Variants in ACSM3 observed in about 807,000 individuals in gnomAD.
The protein encoded by ACSM3 is acyl-coenzyme A synthetase ACSM3, mitochondrial.
In ACSM3, 61 loss-of-function variants were observed where a neutral mutation model predicts 74.1. That is an observed-to-expected ratio of 0.82 (90% confidence interval 0.67 to 1.02). The LOEUF (loss-of-function observed/expected upper bound fraction) is 1.02, where lower values mean the gene tolerates loss of function less well. Ranked by LOEUF, ACSM3 falls within the 50% of genes least tolerant of loss-of-function variation. The pLI, the probability that ACSM3 is intolerant of heterozygous loss-of-function variation, is 0.00. For synonymous variants in ACSM3, 213 were observed against 241.5 expected (o/e 0.88, Z 1.09); for missense variants, 660 against 697.0 (o/e 0.95, Z 0.60).
At chr16:20,796,723 T>C in intron 13 of ACSM3, 163 bp from the exon 14 acceptor site, 1 of 1,491,162 alleles carries the variant, frequency 6.7e-7, no homozygotes, top group Non-Finnish European at 8.9e-7. Flanking sequence ...TCAAGACAAC[T>C]TTCCTAACAA....
intron 1 of ACSM3, among the ~76,000 whole-genome samples, chr16:20,723,052 G>T (rs2079791361): frequency 6.6e-6 from 1 of 151,490 alleles, no homozygotes; most frequent in Non-Finnish European, 1.5e-5. Context: ...CCCCACAACA[G>T]GCCCCAGTGT....
At chr16:20,684,016 GGA>G (rs1449891126) in intron 1 of ACSM3, among the ~76,000 whole-genome samples, 1 of 152,012 alleles carries the variant, frequency 6.6e-6, no homozygotes, top group African/African-American at 2.4e-5. Context: ...AATATGAGAC[GGA>G]GAGAGAGAAA....
intron 1 of ACSM3, chr16:20,682,127 G>A: frequency 1.2e-6 from 1 of 854,224 alleles, no homozygotes; most frequent in Non-Finnish European, 1.8e-6. Context: ...TCCTTTGGAT[G>A]TTAATCTGAC....
rs145039864 is a variant in ACSM3, at chr16:20,768,783, G to A, written c.-51-1201G>A. ...TCTAACTCTGGTATGACAGAATGAA[G>A]CAGGCTGTTTCCCCTCTCTGGGTCT... On this transcript the variant is annotated intron_variant, in intron 1 of 13. Transcript: ENST00000289416. 2.1e-3 allele frequency among the ~76,000 whole-genome samples: 322 copies of A among 152,298 alleles called. 1 individual carries two copies. Among genetic ancestry groups the A allele is most frequent in the Admixed American group, 5.7e-3 (87 of 15,296 alleles).
At chr16:20,789,966 G>A (rs1411128369) in intron 9 of ACSM3, among the ~76,000 whole-genome samples, 2 of 151,720 alleles carry the variant, frequency 1.3e-5, no homozygotes, top group East Asian at 1.9e-4. Context: ...GAGCCACTGC[G>A]CCCAGCCAGC....
At chr16:20,722,294 T>A (rs2079788602) in intron 1 of ACSM3, 1 of 152,180 alleles carries the variant, frequency 6.6e-6, no homozygotes, top group Non-Finnish European at 1.5e-5. Flanking sequence ...TTACTTTTAT[T>A]TGGAGTTGCA....
intron 1 of ACSM3, chr16:20,749,186 G>A (rs1178087850): frequency 6.6e-6 from 1 of 152,096 alleles, no homozygotes; most frequent in African/African-American, 2.4e-5. Context: ...ATATATATGT[G>A]TGTTATATTT....
intron 1 of ACSM3, chr16:20,681,719 G>A (rs1488023221): frequency 1.3e-5 from 2 of 153,766 alleles, no homozygotes; most frequent in Admixed American, 6.4e-5. Context: ...ACAAAGGGGG[G>A]AAATGGAACA....
chr16:20,781,835 G>A, intron 7 of ACSM3, 48 bp downstream of exon 7: 1 of 1,408,156 alleles, frequency 7.1e-7, no homozygotes, highest in Non-Finnish European at 1.0e-6. Context: ...GGGGAGAAGA[G>A]GAAGCTATAA....
intron 1 of ACSM3, among the ~76,000 whole-genome samples, chr16:20,714,083 C>A (rs978931326): frequency 1.3e-5 from 2 of 152,064 alleles, no homozygotes; most frequent in African/African-American, 2.4e-5. Context: ...ACATTATAAG[C>A]CAGAATTATA....
chr16:20,796,313 T>C, intron 12 of ACSM3, 57 bp from the exon 13 acceptor site: 2 of 1,588,430 alleles, frequency 1.3e-6, no homozygotes, highest in Non-Finnish European at 1.7e-6. Context: ...AAACAAGACA[T>C]ACTAAAACAT....
intron 1 of ACSM3, among the ~76,000 whole-genome samples, chr16:20,704,618 C>T (rs2079721839): frequency 6.6e-6 from 1 of 152,156 alleles, no homozygotes; most frequent in Non-Finnish European, 1.5e-5. Flanking sequence ...TGCTCTCCTA[C>T]ATTGTCCTGA....
At chr16:20,679,876 T>C (rs2079403071) in intron 1 of ACSM3, 1 of 152,162 alleles carries the variant, frequency 6.6e-6, no homozygotes, top group Admixed American at 6.5e-5. Context: ...AGGAGAGTTA[T>C]AGCTCGAACA....
chr16:20,707,191 C>T (rs1026550391), intron 1 of ACSM3, among the ~76,000 whole-genome samples: 2 of 152,190 alleles, frequency 1.3e-5, no homozygotes, highest in Non-Finnish European at 2.9e-5. Context: ...GTCCCCATAG[C>T]AGATCCTGAA....
At chr16:20,735,473 T>C (rs1019314875) in intron 1 of ACSM3, 1 of 152,070 alleles carries the variant, frequency 6.6e-6, no homozygotes, top group Admixed American at 6.5e-5. Flanking sequence ...CTTCAAGTTT[T>C]TGATATCAGC....
chr16:20,780,718 G>T lies in ACSM3; in HGVS notation c.643G>T (p.Ala215Ser), dbSNP rs765286234. 3 of 1,614,038 alleles carry T rather than the reference G, an allele frequency of 1.9e-6. No homozygotes were observed. The highest frequency in any genetic ancestry group is 2.5e-6 in the Non-Finnish European group (3 of 1,180,026). ...ATTGTAGTTTTTCCTTTGCAGACAT[G>T]CCAGTGACAGCCACACCTGTGTGAA... Reference protein sequence around the residue: ...WGNLKELMKHASDSHTCVKTK... With the variant: ...WGNLKELMKHSSDSHTCVKTK... The change falls in exon 5 of 14, where the codon GCC (alanine) becomes TCC (serine). Residue 215 changes from alanine to serine, a missense_variant. Ala to Ser is a moderately conservative substitution (Grantham distance 99, BLOSUM62 1). Coordinates refer to ENST00000289416, the MANE Select transcript of ACSM3 (RefSeq NM_005622.4).
At chr16:20,767,723 A>G (rs890682227) in intron 1 of ACSM3, among the ~76,000 whole-genome samples, 4 of 152,322 alleles carry the variant, frequency 2.6e-5, no homozygotes, top group East Asian at 1.9e-4. Context: ...TCCCAGGAAC[A>G]TAACAGACAA....
chr16:20,767,963 C>A (rs765088824), intron 1 of ACSM3, among the ~76,000 whole-genome samples: 1 of 152,178 alleles, frequency 6.6e-6, no homozygotes, highest in Non-Finnish European at 1.5e-5. Context: ...TAGAACACAG[C>A]CATGCCAAAA....
intron 1 of ACSM3, among the ~76,000 whole-genome samples, chr16:20,765,948 A>T (rs1230116392): frequency 2.0e-5 from 3 of 152,116 alleles, no homozygotes; most frequent in Admixed American, 1.3e-4. Context: ...CTTGTTTACT[A>T]TATGTGTCTT....
Sources: gnomAD v4.1 joint callset for allele counts (sites outside exome capture counted in the v4.1 genomes callset) on GRCh38, gnomAD v4.1.1 for gene constraint, MANE v1.5 for transcripts, NCBI Gene and HGNC (gene_info 2026-07-23, HGNC 2026-07-21) for gene names.